Variants in SP9 observed in about 807,000 individuals in gnomAD.
SP9 encodes the protein transcription factor Sp9.
SP9 carries 5 observed loss-of-function variants against 23.0 expected under a neutral mutation model. The observed-to-expected ratio is 0.22, with a 90% CI of 0.11 to 0.46. SP9 has a LOEUF of 0.46. Ranked by LOEUF, SP9 falls within the 20% of genes least tolerant of loss-of-function variation. The probability of loss-of-function intolerance (pLI) is 0.99; values close to 1 mark genes in which losing one functional copy is unlikely to be tolerated. For missense variants in SP9, 542 were observed against 724.0 expected, an observed-to-expected ratio of 0.75 and a Z score of 2.88; for synonymous variants, 360 against 356.5, an observed-to-expected ratio of 1.01 and a Z score of -0.11.
Position 174,334,989 on chromosome 2 carries a change from A to G in SP9, c.-104A>G. 7.3e-7 allele frequency: 1 copy of G among 1,372,182 alleles called. No homozygotes were observed. Among genetic ancestry groups the G allele is most frequent in the Non-Finnish European group, 1.0e-6 (1 of 989,194 alleles). The allele number at this position is 1,372,182 out of a possible 1,614,324, so 85.0% of individuals were successfully genotyped here. ...GGCGGGAGCCTGGAGTCCGCTCGGCACGAGCGCGGGGACGCGGGAGCCGCG... is the reference window on the plus strand; with the variant it reads ...GGCGGGAGCCTGGAGTCCGCTCGGCGCGAGCGCGGGGACGCGGGAGCCGCG... On this transcript the variant is annotated 5_prime_UTR_variant, in exon 1 of 2. Transcript: ENST00000394967.
At chr2:174,335,381 T>C in intron 1 of SP9, 1 of 500,490 alleles carries the variant, frequency 2.0e-6, no homozygotes, top group Non-Finnish European at 3.6e-6. Context: ...CCCTCGTGAT[T>C]TATACCCCAT....
rs752188831 is a variant in SP9 at position 174,337,456 on chromosome 2, AGCGGCGGCGGCGGCAGCG to A, written c.1386_1403del (p.Ala465_Ala470del). ...GCGTCAGTGCCGCCCGGGCGGCGGCAGCGGCGGCGGCGGCAGCGGCGGCGGCGGCGGCGGCGGCCTCCG... is the reference window on the plus strand; with the variant it reads ...GCGTCAGTGCCGCCCGGGCGGCGGCAGCGGCGGCGGCGGCGGCGGCCTCCG... On this transcript the variant is annotated inframe_deletion, in exon 2 of 2. Transcript: ENST00000394967. 256 of 1,265,636 alleles carry A rather than the reference AGCGGCGGCGGCGGCAGCG, an allele frequency of 2.0e-4. 29 individuals carry two copies. The highest frequency in any genetic ancestry group is 2.2e-4 in the Middle Eastern group (1 of 4,490). The allele number at this position is 1,265,636 out of a possible 1,614,324, so 78.4% of individuals were successfully genotyped here.
Position 174,337,779 on chromosome 2 carries a change from A to G in SP9, c.*239A>G, listed in dbSNP as rs558356182. 7.4e-6 allele frequency: 2 copies of G among 272,058 alleles called. No homozygotes were observed. The highest frequency in any genetic ancestry group is 1.2e-5 in the Non-Finnish European group (2 of 169,242). 16.9% of individuals were successfully genotyped at this position (272,058 alleles called of 1,614,324 possible). A position where few individuals can be genotyped will look rare whatever the true frequency, so the allele number is the denominator to read the frequency against. On this transcript the variant is annotated 3_prime_UTR_variant, in exon 2 of 2. Transcript: ENST00000394967. ...AATCGAACGCGTGGTCCGGAAACAA[A>G]AGCGAACCATCCTCCGACACAAACA...
Position 174,335,685 on chromosome 2 carries a change from C to T in SP9, c.22-422C>T, listed in dbSNP as rs1684394697. ...AGCTGCAAGTTTCGCCCGTCCCTGG[C>T]AGCTGTTTCGGCCGCCTCCGCCCTC... On this transcript the variant is annotated intron_variant, in intron 1 of 1. Coordinates refer to ENST00000394967, the MANE Select transcript of SP9 (RefSeq NM_001145250.2). 1.6e-5 allele frequency: 3 copies of T among 190,756 alleles called. No homozygotes were observed. The South Asian group carries it at 4.5e-4, about 28-fold the overall frequency. 11.8% of individuals were successfully genotyped at this position (190,756 alleles called of 1,614,324 possible). A position where few individuals can be genotyped will look rare whatever the true frequency, so the allele number is the denominator to read the frequency against.
chr2:174,336,654 G>A lies in SP9; in HGVS notation c.569G>A (p.Trp190Ter). Residue 190 changes from tryptophan to a stop codon, truncating the protein, a stop_gained, in exon 2 of 2, where the codon TGG (tryptophan) becomes TAG (stop). Coordinates refer to ENST00000394967, the MANE Select transcript of SP9 (RefSeq NM_001145250.2). LOFTEE classifies it high-confidence loss of function. The stretch of plus-strand genomic sequence containing the variant: ...GACGTGCACAGCAGCCCGGGCTCGT[G>A]GCTGGAAGTGCAGAACCCCGCTGGG... ...WWDVHSSPGS[W>*]LEVQNPAGGL... is the part of the protein sequence containing the mutation. The A allele has an allele frequency of 6.7e-7, 1 of 1,502,820 alleles. No individual in the cohort carries two copies. Among genetic ancestry groups the A allele is most frequent in the Admixed American group, 2.1e-5 (1 of 47,888 alleles). The allele number at this position is 1,502,820 out of a possible 1,614,324, so 93.1% of individuals were successfully genotyped here. A position where few individuals can be genotyped will look rare whatever the true frequency, so the allele number is the denominator to read the frequency against.
intron 1 of SP9, chr2:174,335,857 T>G: frequency 4.0e-6 from 2 of 500,560 alleles, no homozygotes; most frequent in Non-Finnish European, 3.5e-6. Context: ...CACGGAGGCA[T>G]CTTTGATTTA....
Position 174,337,017 on chromosome 2 carries a change from C to T in SP9, c.932C>T (p.Pro311Leu), listed in dbSNP as rs1301890910. 1.3e-6 allele frequency: 2 copies of T among 1,500,616 alleles called. No homozygotes were observed. The highest frequency in any genetic ancestry group is 1.8e-6 in the Non-Finnish European group (2 of 1,130,868). 93.0% of individuals were successfully genotyped at this position (1,500,616 alleles called of 1,614,324 possible). ...RYSGRATCDC[P>L]NCQEAERLGP... ...TCGGGCCGCGCCACCTGCGACTGCC[C>T]CAACTGCCAGGAGGCGGAGCGGCTG... The change falls in exon 2 of 2, where the codon CCC (proline) becomes CTC (leucine). Residue 311 changes from proline (P) to leucine (L), a missense_variant. By Grantham distance (98) the Pro-to-Leu change is moderately conservative. This residue lies in a region of SP9 where 56 missense variants were observed against 97.8 expected (regional missense o/e 0.57). Coordinates refer to ENST00000394967, the MANE Select transcript of SP9 (RefSeq NM_001145250.2).
In SP9 at chr2:174,337,198, G is replaced by A. The variant is rs1029696555; in HGVS notation, c.1113G>A (p.Lys371=). 3 of 1,602,022 alleles carry A rather than the reference G, an allele frequency of 1.9e-6. No individual in the cohort carries two copies. The African/African-American group carries it at 4.0e-5, about 21-fold the overall frequency. ...TGTGCAACTGGCTCTTCTGCGGCAA[G>A]CGCTTCACGCGCTCGGACGAGCTGC... ...PFVCNWLFCG[K]RFTRSDELQR... is the part of the protein sequence containing the mutation. The change falls in exon 2 of 2, where the codon AAG becomes AAA. Residue 371 remains lysine, a synonymous_variant. Coordinates refer to ENST00000394967, the MANE Select transcript of SP9 (RefSeq NM_001145250.2).
intron 1 of SP9, chr2:174,335,821 G>C: frequency 2.3e-6 from 1 of 434,560 alleles, no homozygotes; most frequent in Non-Finnish European, 4.1e-6. Context: ...CCCAAGTCCG[G>C]TTGTAGGCAG....
In SP9 at chr2:174,334,986, G is replaced by C. The variant is rs750775059; in HGVS notation, c.-107G>C. On this transcript the variant is annotated 5_prime_UTR_variant, in exon 1 of 2. Transcript: ENST00000394967. ...GCCGGCGGGAGCCTGGAGTCCGCTC[G>C]GCACGAGCGCGGGGACGCGGGAGCC... 9.6e-6 allele frequency: 13 copies of C among 1,356,792 alleles called. No individual in the cohort carries two copies. The highest frequency in any genetic ancestry group is 7.6e-5 in the East Asian group (3 of 39,532). The allele number at this position is 1,356,792 out of a possible 1,614,324, so 84.0% of individuals were successfully genotyped here. A position where few individuals can be genotyped will look rare whatever the true frequency, so the allele number is the denominator to read the frequency against.
rs1162119431 is a variant in SP9 at position 174,337,180 on chromosome 2, C to T, written c.1095C>T (p.Asn365=). The T allele has an allele frequency of 1.9e-6, 3 of 1,606,700 alleles. No homozygotes were observed. The highest frequency in any genetic ancestry group is 2.5e-6 in the Non-Finnish European group (3 of 1,177,098). Residue 365 remains asparagine, a synonymous_variant, in exon 2 of 2, where the codon AAC becomes AAT. Transcript: ENST00000394967. ...CGGGCGAGCGGCCCTTCGTGTGCAA[C>T]TGGCTCTTCTGCGGCAAGCGCTTCA... ...WHTGERPFVC[N]WLFCGKRFTR... is the part of the protein sequence containing the mutation.
Position 174,337,647 on chromosome 2 carries a change from C to T in SP9, c.*107C>T, listed in dbSNP as rs993608978. On this transcript the variant is annotated 3_prime_UTR_variant, in exon 2 of 2. Transcript: ENST00000394967. Reference sequence around the variant, plus strand: ...GGCGGGAGGGCAGGGGCTTCAGTGACGCCCCCAGGGCCCGGGCTGGGCGCG... The same window carrying T: ...GGCGGGAGGGCAGGGGCTTCAGTGATGCCCCCAGGGCCCGGGCTGGGCGCG... 1 of 1,041,728 alleles carries T rather than the reference C, an allele frequency of 9.6e-7. No homozygotes were observed. 64.5% of individuals were successfully genotyped at this position (1,041,728 alleles called of 1,614,324 possible).
chr2:174,335,336 T>C, intron 1 of SP9: 2 of 541,866 alleles, frequency 3.7e-6, no homozygotes, highest in South Asian at 2.8e-5. Context: ...CTTTTTCATT[T>C]GGTTTCAAAA....
Position 174,337,432 on chromosome 2 carries a change from C to T in SP9, c.1347C>T (p.Gly449=). Residue 449 remains glycine (G), a synonymous_variant, in exon 2 of 2, where the codon GGC becomes GGT. Transcript: ENST00000394967. ...ESPDLILHDS[G]VSAARAAAAA... is the part of the protein sequence containing the mutation. ...CCGACCTCATCCTGCATGACTCCGGCGTCAGTGCCGCCCGGGCGGCGGCAG... is the reference window on the plus strand; with the variant it reads ...CCGACCTCATCCTGCATGACTCCGGTGTCAGTGCCGCCCGGGCGGCGGCAG... The T allele has an allele frequency of 7.0e-7, 1 of 1,432,880 alleles. No individual in the cohort carries two copies. Among genetic ancestry groups the T allele is most frequent in the Non-Finnish European group, 9.2e-7 (1 of 1,083,648 alleles). The allele number at this position is 1,432,880 out of a possible 1,614,324, so 88.8% of individuals were successfully genotyped here. A position where few individuals can be genotyped will look rare whatever the true frequency, so the allele number is the denominator to read the frequency against.
Position 174,337,481 on chromosome 2 carries a change from G to T in SP9, c.1396G>T (p.Ala466Ser). 8.3e-7 allele frequency: 1 copy of T among 1,201,664 alleles called. No individual in the cohort carries two copies. Among genetic ancestry groups the T allele is most frequent in the Non-Finnish European group, 1.0e-6 (1 of 963,726 alleles). The allele number at this position is 1,201,664 out of a possible 1,614,324, so 74.4% of individuals were successfully genotyped here. The change falls in exon 2 of 2, where the codon GCG (alanine) becomes TCG (serine). Residue 466 changes from alanine (A) to serine (S), a missense_variant. Ala to Ser is a moderately conservative substitution (Grantham distance 99, BLOSUM62 1). This residue lies in a region of SP9 where 55 missense variants were observed against 56.1 expected (regional missense o/e 0.98). Coordinates refer to ENST00000394967, the MANE Select transcript of SP9 (RefSeq NM_001145250.2). ...AAAAAAAAAA[A>S]AAAASAGGKE... ...AGCGGCGGCGGCGGCAGCGGCGGCG[G>T]CGGCGGCGGCGGCCTCCGCGGGAGG...
rs1233097031 is a variant in SP9 at position 174,335,082 on chromosome 2, A to G, written c.-11A>G. 1.3e-6 allele frequency: 2 copies of G among 1,551,522 alleles called. No homozygotes were observed. The highest frequency in any genetic ancestry group is 2.7e-5 in the African/African-American group (2 of 73,078). The stretch of plus-strand genomic sequence containing the variant: ...CCGCTCCCAGCCTCGCTGCGCAGCC[A>G]GAGACCTGCTATGGCCACGTCTATA... On this transcript the variant is annotated 5_prime_UTR_variant, in exon 1 of 2. Transcript: ENST00000394967.
Position 174,334,954 on chromosome 2 carries a change from G to T in SP9, c.-139G>T, listed in dbSNP as rs1684380162. 1.0e-6 allele frequency: 1 copy of T among 988,190 alleles called. No individual in the cohort carries two copies. Among genetic ancestry groups the T allele is most frequent in the African/African-American group, 1.6e-5 (1 of 61,170 alleles). The allele number at this position is 988,190 out of a possible 1,614,324, so 61.2% of individuals were successfully genotyped here. A position where few individuals can be genotyped will look rare whatever the true frequency, so the allele number is the denominator to read the frequency against. Reference sequence around the variant, plus strand: ...AGCGGGTGCTCCTCGCACTTAGGCTGAGTTTAGCCGGCGGGAGCCTGGAGT... The same window carrying T: ...AGCGGGTGCTCCTCGCACTTAGGCTTAGTTTAGCCGGCGGGAGCCTGGAGT... On this transcript the variant is annotated 5_prime_UTR_variant, in exon 1 of 2. Coordinates refer to ENST00000394967, the MANE Select transcript of SP9 (RefSeq NM_001145250.2).
chr2:174,336,955 C>A lies in SP9; in HGVS notation c.870C>A (p.Ala290=), dbSNP rs1316972416. Residue 290 remains alanine, a synonymous_variant, in exon 2 of 2, where the codon GCC becomes GCA. Transcript: ENST00000394967. The stretch of plus-strand genomic sequence containing the variant: ...TGATATCGGGCGCCGCGGCTGCCGC[C>A]GCCGGGGGGAGCTCGGCACGCTCTG... ...SAMISGAAAA[A]AGGSSARSAR... 7.0e-7 allele frequency: 1 copy of A among 1,437,698 alleles called. No homozygotes were observed. Among genetic ancestry groups the A allele is most frequent in the African/African-American group, 1.5e-5 (1 of 66,782 alleles). 89.1% of individuals were successfully genotyped at this position (1,437,698 alleles called of 1,614,324 possible).
Position 174,337,271 on chromosome 2 carries a change from G to T in SP9, c.1186G>T (p.Val396Leu), listed in dbSNP as rs761751792. The T allele has an allele frequency of 5.8e-6, 9 of 1,562,946 alleles. No homozygotes were observed. The highest frequency in any genetic ancestry group is 7.8e-6 in the Non-Finnish European group (9 of 1,153,846). ...HTGEKRFACP[V>L]CNKRFMRSDH... ...GGGCGAGAAGCGCTTCGCCTGTCCG[G>T]TGTGCAACAAGCGCTTCATGCGCAG... The change falls in exon 2 of 2, where the codon GTG becomes TTG. Residue 396 changes from valine to leucine, a missense_variant. Coordinates refer to ENST00000394967, the MANE Select transcript of SP9 (RefSeq NM_001145250.2).
Sources: allele counts gnomAD v4.1 joint callset, GRCh38; gene constraint gnomAD v4.1.1; regional missense constraint gnomAD v4.1.1; transcripts MANE v1.5; gene names NCBI Gene and HGNC (gene_info 2026-07-23, HGNC 2026-07-21).